Variants in CHRND observed in about 807,000 individuals in gnomAD.
CHRND encodes the protein cholinergic receptor nicotinic delta subunit.
Under a neutral mutation model 57.8 loss-of-function variants are expected in CHRND, and 40 were observed. That is an observed-to-expected ratio of 0.69 (90% confidence interval 0.54 to 0.90). CHRND has a LOEUF of 0.90. Ranked by LOEUF, CHRND falls within the 40% of genes least tolerant of loss-of-function variation. The probability of loss-of-function intolerance (pLI) is 0.00; values close to 1 mark genes in which losing one functional copy is unlikely to be tolerated. For missense variants in CHRND, 634 were observed against 673.9 expected, an observed-to-expected ratio of 0.94 and a Z score of 0.66; for synonymous variants, 237 against 270.6, an observed-to-expected ratio of 0.88 and a Z score of 1.22.
At chr2:232,533,200 T>C (rs1410989726) in intron 9 of CHRND, among the ~76,000 whole-genome samples, 1 of 152,126 alleles carries the variant, frequency 6.6e-6, no homozygotes, top group South Asian at 2.1e-4. Context: ...TTTGTATTTT[T>C]AGTAGCGATG....
intron 4 of CHRND, 43 bp from the exon 5 acceptor site, chr2:232,528,458 T>C (rs1213392998): frequency 6.2e-7 from 1 of 1,613,812 alleles, no homozygotes; most frequent in Non-Finnish European, 8.5e-7. Flanking sequence ...CTGCCAGTCG[T>C]GAGTGGCCAG....
At position 232,526,535 on chromosome 2, in the gene CHRND, G is replaced by T; in HGVS notation, c.59G>T (p.Trp20Leu). ...TGTCGCTGACCCTCCCCAGGCAGCT[G>T]GGGGCTGAACGAGGAGGAGCGGCTG... ...LLAALAVCGS[W>L]GLNEEERLIR... The change falls in exon 2 of 12, where the codon TGG (tryptophan) becomes TTG (leucine). Residue 20 changes from tryptophan to leucine, a missense_variant. Coordinates refer to ENST00000258385, the MANE Select transcript of CHRND (RefSeq NM_000751.3). The T allele has an allele frequency of 6.2e-7, 1 of 1,613,660 alleles. No homozygotes were observed.
chr2:232,528,128 C>T, intron 3 of CHRND, 134 bp from the exon 4 acceptor site: 1 of 795,026 alleles, frequency 1.3e-6, no homozygotes, highest in Non-Finnish European at 2.2e-6. Flanking sequence ...TGAATCCGCA[C>T]TCTGTACCTG....
rs139190636 is a variant in CHRND, at chr2:232,531,555, G to A, written c.946G>A (p.Gly316Ser). 123 of 1,614,070 alleles carry A rather than the reference G, an allele frequency of 7.6e-5. No homozygotes were observed. In the African/African-American group the frequency reaches 1.0e-3, roughly 13 times the overall value. The change falls in exon 9 of 12, where the codon GGC becomes AGC. Residue 316 changes from glycine to serine, a missense_variant. Transcript: ENST00000258385. ...GTTTGCCCACAGGTTCCTGCTCTTC[G>A]GCATGGTGCTGGTCACCATGGTTGT... ...IPLIGKFLLF[G>S]MVLVTMVVVI...
In CHRND at chr2:232,533,908, G is replaced by A. The variant is rs757630304; in HGVS notation, c.1048-23G>A. ...AAGAACAAAAAACAACGCCTTTCTT[G>A]TGGCCCCTTGACATGGCCCCAGCTC... On this transcript the variant is annotated intron_variant, in intron 9 of 11. Transcript: ENST00000258385. 1.9e-6 allele frequency: 3 copies of A among 1,609,908 alleles called. No homozygotes were observed. In the South Asian group the frequency reaches 3.3e-5, roughly 18 times the overall value.
intron 3 of CHRND, 76 bp downstream of exon 3, chr2:232,527,521 G>T (rs1691525309): frequency 1.9e-6 from 2 of 1,074,924 alleles, no homozygotes. Flanking sequence ...GAGGGGGGTG[G>T]ATCACGAGGT....
rs1175742592 is a variant in CHRND at position 232,536,156 on chromosome 2, C to G, written c.*844C>G. 2.2e-6 allele frequency: 1 copy of G among 454,006 alleles called. No homozygotes were observed. The highest frequency in any genetic ancestry group is 4.4e-6 in the Non-Finnish European group (1 of 226,796). The allele number at this position is 454,006 out of a possible 1,614,324, so 28.1% of individuals were successfully genotyped here. ...CAATCTTATCCTGAGGGCCAAAGGC[C>G]AAGGCTGCAGGAATTGGGAGACAAG... On this transcript the variant is annotated 3_prime_UTR_variant, in exon 12 of 12. Transcript: ENST00000258385.
rs566897233 is a variant in CHRND, at chr2:232,528,767, G to C, written c.510-95G>C. On this transcript the variant is annotated intron_variant, in intron 5 of 11. Coordinates refer to ENST00000258385, the MANE Select transcript of CHRND (RefSeq NM_000751.3). The stretch of plus-strand genomic sequence containing the variant: ...CCCCTGCCCTGTCTGGATTAGTGCT[G>C]CCCTCCCCACAATGGTCCTCCCTTA... 4.4e-6 allele frequency: 7 copies of C among 1,580,844 alleles called. No individual in the cohort carries two copies. The African/African-American group carries it at 8.1e-5, about 18-fold the overall frequency.
At chr2:232,527,310 A>AAAAAAAAG in intron 2 of CHRND, 91 bp from the exon 3 acceptor site, 1 of 792,570 alleles carries the variant, frequency 1.3e-6, no homozygotes, top group Admixed American at 2.2e-5. Context: ...TGGAAAAAAA[A>AAAAAAAAG]AGAGAGAGAG....
chr2:232,527,331 AGAGT>A (rs2106207211), intron 2 of CHRND, 66 bp from the exon 3 acceptor site: 3 of 1,290,470 alleles, frequency 2.3e-6, no homozygotes, highest in South Asian at 2.4e-5. Context: ...AGAGAGAGAG[AGAGT>A]GGGTGAATGT....
At chr2:232,526,732 A>T in intron 2 of CHRND, 58 bp downstream of exon 2, 1 of 1,577,710 alleles carries the variant, frequency 6.3e-7, no homozygotes. Context: ...TTCCAGTACC[A>T]GGATAGCCAT....
At position 232,534,144 on chromosome 2, in the gene CHRND, C is replaced by A. The variant is rs1207093651; in HGVS notation, c.1252+9C>A. On this transcript the variant is annotated intron_variant, in intron 10 of 11. Coordinates refer to ENST00000258385, the MANE Select transcript of CHRND (RefSeq NM_000751.3). ...GCGCCTCACCACTGCACGTGGGTCCCCGCTGGTCTTGGTTTTCAGCCCATC... is the reference window on the plus strand; with the variant it reads ...GCGCCTCACCACTGCACGTGGGTCCACGCTGGTCTTGGTTTTCAGCCCATC... 2 of 1,614,092 alleles carry A rather than the reference C, an allele frequency of 1.2e-6. No homozygotes were observed. Among genetic ancestry groups the A allele is most frequent in the Non-Finnish European group, 1.7e-6 (2 of 1,180,034 alleles).
chr2:232,532,422 C>G (rs1380466844), intron 9 of CHRND, among the ~76,000 whole-genome samples: 3 of 144,214 alleles, frequency 2.1e-5, no homozygotes, highest in Non-Finnish European at 4.5e-5. Context: ...GAGCCGAGAT[C>G]TCACCACTGC....
intron 8 of CHRND, 33 bp from the exon 9 acceptor site, chr2:232,531,509 C>T (rs1367604134): frequency 1.9e-6 from 3 of 1,613,624 alleles, no homozygotes; most frequent in Middle Eastern, 1.7e-4. Context: ...CCAGCCCAGC[C>T]CTGGGAGCTC....
chr2:232,526,475 T>C, intron 1 of CHRND, 54 bp from the exon 2 acceptor site: 3 of 1,611,622 alleles, frequency 1.9e-6, no homozygotes, highest in Non-Finnish European at 2.5e-6. Flanking sequence ...GCAGCTTCCT[T>C]CCTGAGTCCC....
At chr2:232,528,719 A>G (rs1289971953) in intron 5 of CHRND, 63 bp downstream of exon 5, 2 of 1,610,950 alleles carry the variant, frequency 1.2e-6, no homozygotes, top group African/African-American at 2.7e-5. Flanking sequence ...AAAGAAGGTG[A>G]CTGAAGCACC....
chr2:232,526,631 T>A lies in CHRND; in HGVS notation c.155T>A (p.Val52Glu), dbSNP rs1260266473. The A allele has an allele frequency of 3.1e-6, 5 of 1,613,506 alleles. No homozygotes were observed. In the Admixed American group the frequency reaches 8.3e-5, roughly 27 times the overall value. Residue 52 changes from valine (V) to glutamate (E), a missense_variant, in exon 2 of 12, where the codon GTG becomes GAG. Coordinates refer to ENST00000258385, the MANE Select transcript of CHRND (RefSeq NM_000751.3). The part of the protein sequence containing the change: ...LRPVAHKEES[V>E]DVALALTLSN... ...CCCGTGGCACACAAAGAGGAGAGTGTGGACGTTGCCCTGGCCCTCACACTC... is the reference window on the plus strand; with the variant it reads ...CCCGTGGCACACAAAGAGGAGAGTGAGGACGTTGCCCTGGCCCTCACACTC...
chr2:232,532,345 G>A (rs1691733273), intron 9 of CHRND, among the ~76,000 whole-genome samples: 1 of 151,802 alleles, frequency 6.6e-6, no homozygotes, highest in Non-Finnish European at 1.5e-5. Flanking sequence ...GTGTGCGCTT[G>A]TAATCCCAGC....
Position 232,534,032 on chromosome 2 carries a change from C to T in CHRND, c.1149C>T (p.Tyr383=). 6 of 1,614,128 alleles carry T rather than the reference C, an allele frequency of 3.7e-6. No individual in the cohort carries two copies. The highest frequency in any genetic ancestry group is 5.1e-6 in the Non-Finnish European group (6 of 1,180,048). ...TGCGGAGGAGCAGCTCCCTGGGATA[C>T]ATCTCCAAGGCCGAGGAGTACTTCC... The part of the protein sequence containing the change: ...ALVRRSSSLG[Y]ISKAEEYFLL... The change falls in exon 10 of 12, where the codon TAC becomes TAT. Residue 383 remains tyrosine, a synonymous_variant. Transcript: ENST00000258385.
Sources: allele counts gnomAD v4.1 joint callset (sites outside exome capture counted in the v4.1 genomes callset), GRCh38; gene constraint gnomAD v4.1.1; transcripts MANE v1.5; gene names NCBI Gene and HGNC (gene_info 2026-07-23, HGNC 2026-07-21).